DLG2: variants seen among roughly 807,000 people sequenced by gnomAD.
DLG2 encodes disks large homolog 2.
A neutral mutation model predicts 132.5 loss-of-function variants in DLG2; 45 were observed. The observed-to-expected ratio is 0.34, with a 90% confidence interval of 0.27 to 0.44. DLG2 has a LOEUF of 0.44. Ranked by LOEUF, DLG2 falls within the 20% of genes least tolerant of loss-of-function variation. The probability of loss-of-function intolerance (pLI) is 1.00; values close to 1 mark genes in which losing one functional copy is unlikely to be tolerated. For synonymous variants in DLG2, 424 were observed against 419.6 expected (o/e 1.01, Z -0.13); for missense variants, 1,045 against 1,196.9 (o/e 0.87, Z 1.87).
At chr11:83,521,049 G>A (rs1048938117) in intron 21 of DLG2, among the ~76,000 whole-genome samples, 3 of 152,186 alleles carry the variant, frequency 2.0e-5, no homozygotes, top group Non-Finnish European at 2.9e-5. Context: ...AGGCTCAGGC[G>A]TCCTTGTTTT....
chr11:84,150,591 T>G (rs984531995), intron 9 of DLG2, among the ~76,000 whole-genome samples: 1 of 152,202 alleles, frequency 6.6e-6, no homozygotes, highest in Non-Finnish European at 1.5e-5. Context: ...TTGTCCTATT[T>G]GGATGCCTTT....
chr11:84,755,314 T>C (rs564337483), intron 6 of DLG2, among the ~76,000 whole-genome samples: 34 of 152,364 alleles, frequency 2.2e-4, no homozygotes, highest in African/African-American at 8.2e-4. Context: ...GAATGTTACA[T>C]GAGTAGATAA....
At chr11:85,520,359 G>A (rs2074197400) in intron 3 of DLG2, among the ~76,000 whole-genome samples, 2 of 151,898 alleles carry the variant, frequency 1.3e-5, no homozygotes, top group South Asian at 4.1e-4. Flanking sequence ...ACCACAAAAT[G>A]GAAAAATACT....
chr11:85,049,989 A>G (rs916611408), intron 6 of DLG2, among the ~76,000 whole-genome samples: 1 of 151,992 alleles, frequency 6.6e-6, no homozygotes, highest in Admixed American at 6.6e-5. Flanking sequence ...ATCTCTAGCT[A>G]TCAGAAATTG....
chr11:84,540,262 G>C (rs55786652), intron 6 of DLG2, among the ~76,000 whole-genome samples: 13,632 of 150,710 alleles, frequency 0.09, 659 homozygotes, highest in African/African-American at 0.13. Flanking sequence ...GCAACCTACA[G>C]AATGGGAGAA....
chr11:84,767,877 T>C (rs187534295), intron 6 of DLG2, among the ~76,000 whole-genome samples: 1 of 152,128 alleles, frequency 6.6e-6, no homozygotes, highest in East Asian at 1.9e-4. Flanking sequence ...TTATTGACCT[T>C]GAGTTTCTCT....
chr11:85,444,808 T>C (rs1247572541), intron 3 of DLG2, among the ~76,000 whole-genome samples: 2 of 152,224 alleles, frequency 1.3e-5, no homozygotes, highest in Admixed American at 1.3e-4. Flanking sequence ...ACAAAAGTAA[T>C]TGTGGTTCTT....
chr11:84,060,257 A>G (rs2096570197), intron 10 of DLG2, among the ~76,000 whole-genome samples: 1 of 152,192 alleles, frequency 6.6e-6, no homozygotes, highest in Non-Finnish European at 1.5e-5. Context: ...GGTTGCAGTG[A>G]GCCGAGATCA....
chr11:84,084,080 C>T (rs889286442), intron 10 of DLG2, among the ~76,000 whole-genome samples: 3 of 152,002 alleles, frequency 2.0e-5, no homozygotes, highest in Non-Finnish European at 2.9e-5. Context: ...TAAGGGTTGA[C>T]AGTGCCAGCT....
At chr11:85,172,085 C>A (rs1041750313) in intron 4 of DLG2, among the ~76,000 whole-genome samples, 1 of 152,220 alleles carries the variant, frequency 6.6e-6, no homozygotes, top group African/African-American at 2.4e-5. Flanking sequence ...CAGTGCAGCA[C>A]ACCTGCTTTG....
chr11:84,120,699 TTAG>T (rs1270077872), intron 9 of DLG2, among the ~76,000 whole-genome samples: 2 of 152,210 alleles, frequency 1.3e-5, no homozygotes, highest in Non-Finnish European at 2.9e-5. Flanking sequence ...TTAGAGTAAC[TTAG>T]TAGTTTGCAC....
chr11:83,567,696 T>C (rs1306355954), intron 19 of DLG2, among the ~76,000 whole-genome samples: 1 of 152,128 alleles, frequency 6.6e-6, no homozygotes, highest in Non-Finnish European at 1.5e-5. Context: ...CTTCAGGACC[T>C]GGAGCACAGT....
intron 6 of DLG2, among the ~76,000 whole-genome samples, chr11:85,037,685 T>C (rs778069578): frequency 2.0e-5 from 3 of 152,116 alleles, no homozygotes; most frequent in East Asian, 1.9e-4. Flanking sequence ...TTACTTGAAG[T>C]TCATCTATTC....
chr11:85,618,995 C>T (rs965925660), intron 2 of DLG2, among the ~76,000 whole-genome samples: 2 of 152,202 alleles, frequency 1.3e-5, no homozygotes, highest in Admixed American at 6.5e-5. Context: ...AATCAATTAA[C>T]AGATCATTTT....
chr11:85,361,246 C>G (rs1404478106), intron 3 of DLG2, among the ~76,000 whole-genome samples: 1 of 152,106 alleles, frequency 6.6e-6, no homozygotes, highest in African/African-American at 2.4e-5. Context: ...AACTCCGCCT[C>G]CCTGGTTCAA....
chr11:84,557,782 C>A (rs2099414899), intron 6 of DLG2, among the ~76,000 whole-genome samples: 1 of 151,874 alleles, frequency 6.6e-6, no homozygotes, highest in Non-Finnish European at 1.5e-5. Context: ...ATGTAAAACT[C>A]TTGTTAGAAC....
intron 3 of DLG2, among the ~76,000 whole-genome samples, chr11:85,521,027 G>C (rs2074266568): frequency 6.6e-6 from 1 of 152,176 alleles, no homozygotes; most frequent in African/African-American, 2.4e-5. Context: ...ATCACATCAA[G>C]TTAAAAAGTT....
At chr11:83,879,385 C>A (rs1229323717) in intron 15 of DLG2, among the ~76,000 whole-genome samples, 2 of 152,086 alleles carry the variant, frequency 1.3e-5, no homozygotes, top group Admixed American at 6.6e-5. Flanking sequence ...TCAATATTGC[C>A]TATTTTTCCA....
chr11:84,934,378 C>T (rs1278217926), intron 6 of DLG2, among the ~76,000 whole-genome samples: 4 of 151,590 alleles, frequency 2.6e-5, no homozygotes, highest in Admixed American at 6.6e-5. Flanking sequence ...CAGAATGATA[C>T]GGGCCTCACA....
Sources: gnomAD v4.1 joint callset for allele counts (sites outside exome capture counted in the v4.1 genomes callset) on GRCh38, gnomAD v4.1.1 for gene constraint, MANE v1.5 for transcripts, NCBI Gene and HGNC (gene_info 2026-07-23, HGNC 2026-07-21) for gene names.